The following SCN11A variants were observed in gnomAD, a reference collection of about 807,000 sequenced individuals.
SCN11A encodes sodium channel protein type 11 subunit alpha.
A neutral mutation model predicts 162.2 loss-of-function variants in SCN11A; 122 were observed. That is an observed-to-expected ratio of 0.75 (90% CI 0.65 to 0.87). SCN11A has a LOEUF of 0.87. SCN11A is among the 40% of genes least tolerant of loss of function. SCN11A has a pLI of 0.00. For missense variants in SCN11A, 2,015 were observed against 2,181.6 expected, an observed-to-expected ratio of 0.92 and a Z score of 1.52; for synonymous variants, 758 against 751.5, an observed-to-expected ratio of 1.01 and a Z score of -0.14.
chr3:38,871,413 C>T lies in SCN11A; in HGVS notation c.3759+32G>A, dbSNP rs369791737. On this transcript the variant is annotated intron_variant, in intron 25 of 29. Transcript: ENST00000302328. The stretch of plus-strand genomic sequence containing the variant: ...TCATGATTCTCTGAAGGTTTTTCTC[C>T]TCAGAGTGAAAAACATACTGACTGT... The T allele has an allele frequency of 6.3e-5, 97 of 1,537,606 alleles. No individual in the cohort carries two copies. In the African/African-American group the frequency reaches 1.3e-3, roughly 20 times the overall value.
Position 39,009,324 on chromosome 3 carries a change from G to A in SCN11A, c.-280+23056C>T, listed in dbSNP as rs1030893924. ...AGTTTTAATTTCAAATATGATAAAT[G>A]TAGTGGATATGACCCATATAATCAA... On this transcript the variant is annotated intron_variant, in intron 2 of 29. Transcript: ENST00000302328. Among the ~76,000 whole-genome samples the A allele has an allele frequency of 5.3e-5, 8 of 151,806 alleles. No homozygotes were observed. The South Asian group carries it at 8.3e-4, about 16-fold the overall frequency.
intron 1 of SCN11A, among the ~76,000 whole-genome samples, chr3:39,042,974 A>AAAGAAAG (rs1553652696): frequency 0.015 from 1,582 of 103,676 alleles, 7 homozygotes; most frequent in Non-Finnish European, 0.018. Flanking sequence ...AAAAAAAAAA[A>AAAGAAAG]AAAAAGAAAA....
chr3:38,960,029 A>G (rs2066724159), intron 3 of SCN11A, among the ~76,000 whole-genome samples: 1 of 152,102 alleles, frequency 6.6e-6, no homozygotes, highest in Non-Finnish European at 1.5e-5. Flanking sequence ...GCAAGCGCCT[A>G]TTAGGCCAGC....
chr3:38,936,005 A>C (rs1272795871), intron 7 of SCN11A, among the ~76,000 whole-genome samples: 1 of 152,192 alleles, frequency 6.6e-6, no homozygotes, highest in African/African-American at 2.4e-5. Context: ...GCAGCACATC[A>C]AAAAGCTTAT....
At chr3:38,857,645 A>G (rs559972974) in intron 28 of SCN11A, among the ~76,000 whole-genome samples, 1 of 152,270 alleles carries the variant, frequency 6.6e-6, no homozygotes, top group South Asian at 2.1e-4. Context: ...AGCTCGAAGA[A>G]CTTCTGGGAA....
At chr3:38,886,744 T>G (rs2065407086) in intron 19 of SCN11A, among the ~76,000 whole-genome samples, 2 of 151,832 alleles carry the variant, frequency 1.3e-5, no homozygotes, top group East Asian at 1.9e-4. Flanking sequence ...ACAGAGAGTT[T>G]CCTTAGCAAA....
Position 38,879,945 on chromosome 3 carries a change from C to T in SCN11A, c.3393+5G>A. ...CTGTGTGGGACACAGAGATGGTAAA[C>T]TTACAATCACAATGATGAAATCAAG... On this transcript the variant is annotated splice_donor_5th_base_variant and intron_variant, in intron 23 of 29. Transcript: ENST00000302328. 2 of 1,610,778 alleles carry T rather than the reference C, an allele frequency of 1.2e-6. No homozygotes were observed. The highest frequency in any genetic ancestry group is 1.7e-6 in the Non-Finnish European group (2 of 1,177,972).
intron 9 of SCN11A, 76 bp from the exon 10 acceptor site, chr3:38,921,331 C>T: frequency 1.4e-6 from 2 of 1,409,614 alleles, no homozygotes; most frequent in Non-Finnish European, 2.0e-6. Context: ...TAAGGAGCAA[C>T]TGAAGTCTCG....
At chr3:38,863,873 A>C (rs2065002886) in intron 27 of SCN11A, among the ~76,000 whole-genome samples, 1 of 152,148 alleles carries the variant, frequency 6.6e-6, no homozygotes, top group Non-Finnish European at 1.5e-5. Context: ...ACTAGAACAG[A>C]ATTCTTTTAA....
At chr3:38,969,270 G>T (rs2066802645) in intron 2 of SCN11A, among the ~76,000 whole-genome samples, 1 of 152,196 alleles carries the variant, frequency 6.6e-6, no homozygotes, top group South Asian at 2.1e-4. Context: ...TAAACTTGTT[G>T]CCACTCTTAA....
intron 23 of SCN11A, among the ~76,000 whole-genome samples, chr3:38,876,936 T>C (rs1309563321): frequency 1.3e-5 from 2 of 151,212 alleles, no homozygotes; most frequent in African/African-American, 4.9e-5. Context: ...ATTGCAAAAA[T>C]ATGGATTCAG....
intron 19 of SCN11A, among the ~76,000 whole-genome samples, chr3:38,890,548 A>T (rs573037600): frequency 6.6e-6 from 1 of 152,376 alleles, no homozygotes; most frequent in African/African-American, 2.4e-5. Flanking sequence ...TGGGGTCAAA[A>T]CAAATCTCAA....
At chr3:39,041,557 A>C (rs1313018591) in intron 1 of SCN11A, among the ~76,000 whole-genome samples, 1 of 152,230 alleles carries the variant, frequency 6.6e-6, no homozygotes, top group African/African-American at 2.4e-5. Flanking sequence ...GATATATTCA[A>C]AGTGCTGTAA....
chr3:38,909,215 T>C, intron 12 of SCN11A, 21 bp from the exon 13 acceptor site: 2 of 1,610,800 alleles, frequency 1.2e-6, no homozygotes, highest in Non-Finnish European at 1.7e-6. Flanking sequence ...CAGAGCATGT[T>C]CTTGAATATC....
At chr3:39,020,480 A>G (rs1180418398) in intron 2 of SCN11A, among the ~76,000 whole-genome samples, 4 of 152,174 alleles carry the variant, frequency 2.6e-5, no homozygotes, top group Non-Finnish European at 4.4e-5. Flanking sequence ...GCAGTCCAGC[A>G]GTGTTTGAGA....
chr3:38,907,034 C>T (rs2065803645), intron 14 of SCN11A, among the ~76,000 whole-genome samples: 1 of 151,998 alleles, frequency 6.6e-6, no homozygotes. Flanking sequence ...GCAGGTAATG[C>T]TCTCTTTTTC....
intron 23 of SCN11A, among the ~76,000 whole-genome samples, chr3:38,874,263 T>C (rs1020227598): frequency 3.3e-5 from 5 of 152,264 alleles, no homozygotes; most frequent in East Asian, 1.9e-4. Context: ...GCCATGGCAT[T>C]TTCCTATATC....
chr3:38,952,414 ACT>A (rs1312580324), intron 4 of SCN11A, among the ~76,000 whole-genome samples: 3 of 152,144 alleles, frequency 2.0e-5, no homozygotes, highest in Non-Finnish European at 2.9e-5. Context: ...TCTAGGGCTG[ACT>A]CTTACACCCA....
intron 1 of SCN11A, among the ~76,000 whole-genome samples, chr3:39,048,643 C>G (rs1189211737): frequency 6.6e-5 from 10 of 152,100 alleles, no homozygotes. Flanking sequence ...TTTATTGATA[C>G]TTCATAAAAA....
Sources: gnomAD v4.1 joint callset for allele counts (sites outside exome capture counted in the v4.1 genomes callset) on GRCh38, gnomAD v4.1.1 for gene constraint, MANE v1.5 for transcripts, NCBI Gene and HGNC (gene_info 2026-07-23, HGNC 2026-07-21) for gene names.